CTNNA3: variants seen among roughly 807,000 people sequenced by gnomAD.
The protein encoded by CTNNA3 is catenin alpha-3.
Under a neutral mutation model 95.7 loss-of-function variants are expected in CTNNA3, and 76 were observed. The ratio of observed to expected loss-of-function variants is 0.79; its 90% CI spans 0.66 to 0.96. CTNNA3 has a LOEUF of 0.96. Ranked by LOEUF, CTNNA3 falls within the 40% of genes least tolerant of loss-of-function variation. The pLI is 0.00. For missense variants in CTNNA3, 1,191 were observed against 1,089.8 expected (o/e 1.09, Z -1.31); for synonymous variants, 431 against 374.4 (o/e 1.15, Z -1.74).
intron 16 of CTNNA3, among the ~76,000 whole-genome samples, chr10:65,968,887 G>A (rs971313958): frequency 6.6e-6 from 1 of 152,172 alleles, no homozygotes; most frequent in Non-Finnish European, 1.5e-5. Context: ...CAGCACCGGT[G>A]CTCATGCCTG....
At chr10:67,362,781 A>G (rs1843036164) in intron 5 of CTNNA3, among the ~76,000 whole-genome samples, 1 of 109,658 alleles carries the variant, frequency 9.1e-6, no homozygotes, top group Non-Finnish European at 2.2e-5. Flanking sequence ...AAAAGAAATA[A>G]AAGGCATTCA....
At chr10:67,506,219 C>T (rs1285720444) in intron 5 of CTNNA3, among the ~76,000 whole-genome samples, 1 of 152,296 alleles carries the variant, frequency 6.6e-6, no homozygotes, top group South Asian at 2.1e-4. Flanking sequence ...TGTACATACA[C>T]ATACTCTTCT....
At chr10:66,186,932 G>A (rs1057363306) in intron 13 of CTNNA3, among the ~76,000 whole-genome samples, 1 of 152,106 alleles carries the variant, frequency 6.6e-6, no homozygotes, top group East Asian at 1.9e-4. Flanking sequence ...GCTGAATCTT[G>A]GTAAAACATG....
At chr10:67,092,453 C>T (rs1051245035) in intron 7 of CTNNA3, among the ~76,000 whole-genome samples, 14 of 151,822 alleles carry the variant, frequency 9.2e-5, no homozygotes, top group African/African-American at 3.4e-4. Context: ...GTATTTTGTA[C>T]TTTAAAAATA....
chr10:67,704,997 C>A (rs546762506), intron 1 of CTNNA3, among the ~76,000 whole-genome samples: 7 of 152,294 alleles, frequency 4.6e-5, no homozygotes, highest in African/African-American at 1.7e-4. Context: ...CAAAAGAAGA[C>A]ACTTATGCAG....
At chr10:66,644,648 A>G (rs1351513288) in intron 9 of CTNNA3, among the ~76,000 whole-genome samples, 1 of 151,914 alleles carries the variant, frequency 6.6e-6, no homozygotes, top group Admixed American at 6.6e-5. Context: ...TTACCACATC[A>G]TCCCCCTGTG....
intron 5 of CTNNA3, among the ~76,000 whole-genome samples, chr10:67,287,524 T>A (rs1356448737): frequency 1.3e-5 from 2 of 152,148 alleles, no homozygotes; most frequent in East Asian, 3.8e-4. Flanking sequence ...TAAAAGGTAC[T>A]CCTTATGCAC....
At chr10:66,991,048 T>A (rs1851011045) in intron 7 of CTNNA3, among the ~76,000 whole-genome samples, 1 of 152,122 alleles carries the variant, frequency 6.6e-6, no homozygotes, top group African/African-American at 2.4e-5. Flanking sequence ...GTGGTACAAG[T>A]CTTACAAGAC....
At chr10:66,060,124 C>T (rs992817533) in intron 15 of CTNNA3, among the ~76,000 whole-genome samples, 1 of 151,894 alleles carries the variant, frequency 6.6e-6, no homozygotes, top group African/African-American at 2.4e-5. Flanking sequence ...GAAGTTATAC[C>T]TAGAGCCTGT....
At chr10:66,118,578 T>C (rs1384369160) in intron 13 of CTNNA3, among the ~76,000 whole-genome samples, 2 of 152,206 alleles carry the variant, frequency 1.3e-5, no homozygotes, top group African/African-American at 4.8e-5. Context: ...TTCTTATCTT[T>C]CCACCTATTC....
chr10:66,677,872 T>C (rs1846917672), intron 9 of CTNNA3, among the ~76,000 whole-genome samples: 1 of 151,664 alleles, frequency 6.6e-6, no homozygotes, highest in African/African-American at 2.4e-5. Context: ...TGGGTCATTG[T>C]AATGGACTGA....
intron 7 of CTNNA3, among the ~76,000 whole-genome samples, chr10:66,777,730 G>C (rs1186566945): frequency 1.3e-5 from 2 of 150,880 alleles, no homozygotes; most frequent in African/African-American, 4.9e-5. Context: ...TAATAAAAAA[G>C]AGGCAGAAGT....
chr10:66,462,338 C>T (rs760466233), intron 11 of CTNNA3, among the ~76,000 whole-genome samples: 22 of 152,088 alleles, frequency 1.4e-4, no homozygotes, highest in Non-Finnish European at 2.6e-4. Context: ...TTTGCTTTTT[C>T]TTGGAAGCAC....
chr10:67,258,385 C>T (rs752249643), intron 5 of CTNNA3, among the ~76,000 whole-genome samples: 92 of 152,130 alleles, frequency 6.0e-4, no homozygotes, highest in Non-Finnish European at 1.1e-3. Context: ...CTCAGGTAAT[C>T]CACTCGCCAT....
chr10:67,193,100 C>A (rs1904653), intron 6 of CTNNA3, among the ~76,000 whole-genome samples: 55,446 of 151,630 alleles, frequency 0.37, 14,525 homozygotes, highest in African/African-American at 0.75. Context: ...GCAGTTGCCA[C>A]AGATGAGAGG....
At chr10:67,758,634 T>C (rs906699249) in intron 1 of CTNNA3, among the ~76,000 whole-genome samples, 2 of 152,086 alleles carry the variant, frequency 1.3e-5, no homozygotes, top group African/African-American at 2.4e-5. Flanking sequence ...GTTGCCTTTA[T>C]AAAAACCGCA....
At chr10:66,292,113 A>T (rs2091693049) in intron 12 of CTNNA3, among the ~76,000 whole-genome samples, 1 of 151,954 alleles carries the variant, frequency 6.6e-6, no homozygotes, top group South Asian at 2.1e-4. Context: ...ATACATACAC[A>T]TATATATCAT....
chr10:67,073,136 A>G (rs889522637), intron 7 of CTNNA3, among the ~76,000 whole-genome samples: 34 of 152,214 alleles, frequency 2.2e-4, no homozygotes, highest in African/African-American at 7.7e-4. Context: ...CCCTTCTGAA[A>G]TTTTAGTTCT....
At chr10:67,165,237 T>C (rs149939073) in intron 7 of CTNNA3, among the ~76,000 whole-genome samples, 171 of 152,298 alleles carry the variant, frequency 1.1e-3, no homozygotes, top group Non-Finnish European at 2.0e-3. Flanking sequence ...GCTGAGTTTT[T>C]AAAAAGCCAA....
Sources: gnomAD v4.1 joint callset for allele counts (sites outside exome capture counted in the v4.1 genomes callset) on GRCh38, gnomAD v4.1.1 for gene constraint, MANE v1.5 for transcripts, NCBI Gene and HGNC (gene_info 2026-07-23, HGNC 2026-07-21) for gene names.